The following IL13RA1 variants were observed in gnomAD, a reference collection of about 807,000 sequenced individuals.
IL13RA1 encodes interleukin-13 receptor subunit alpha-1.
IL13RA1 carries 14 observed loss-of-function variants against 33.8 expected under a neutral mutation model. That is an observed-to-expected ratio of 0.41 (90% CI 0.27 to 0.65). The LOEUF (loss-of-function observed/expected upper bound fraction) is 0.65, where lower values mean the gene tolerates loss of function less well. Among genes scored for constraint, IL13RA1 ranks in the 30% least tolerant of loss-of-function variants. The pLI is 0.28. For synonymous variants in IL13RA1, 116 were observed against 115.7 expected (o/e 1.00, Z -0.02); for missense variants, 313 against 327.0 (o/e 0.96, Z 0.33).
At chrX:118,767,031 C>G in intron 8 of IL13RA1, 55 bp downstream of exon 8, 1 of 674,805 alleles carries the variant, frequency 1.5e-6, no homozygotes, top group Admixed American at 3.1e-5. Flanking sequence ...AAAAACTAAG[C>G]TGAAGCAGAA....
chrX:118,767,513 C>T (rs1020074130), intron 8 of IL13RA1, among the ~76,000 whole-genome samples: 5 of 110,590 alleles, frequency 4.5e-5, no homozygotes, highest in Non-Finnish European at 7.6e-5. Context: ...TGCCCTCCAG[C>T]CTGGGCGACA....
the IL13RA1 span, among the ~76,000 whole-genome samples, chrX:118,800,982 G>A: frequency 1.8e-5 from 2 of 111,034 alleles, no homozygotes; most frequent in Non-Finnish European, 3.8e-5. Context: ...AGAGATGGGG[G>A]TCTCCCTGTG....
At chrX:118,800,560 A>G in the IL13RA1 span, among the ~76,000 whole-genome samples, 1 of 110,803 alleles carries the variant, frequency 9.0e-6, no homozygotes, top group Non-Finnish European at 1.9e-5. Context: ...CAGAAGGGAC[A>G]GACTCCAGAC....
rs189188679 is a variant in IL13RA1 at position 118,744,395 on chromosome X, T to A, written c.229-2559T>A. On this transcript the variant is annotated intron_variant, in intron 2 of 10. Coordinates refer to ENST00000371666, the MANE Select transcript of IL13RA1 (RefSeq NM_001560.3). ...CGGATTTAGATACTAAGGCATTTTT[T>A]AATTTTTTATGTTATTTTATTTTGA... 9.0e-4 allele frequency among the ~76,000 whole-genome samples: 101 copies of A among 111,845 alleles called. 1 individual carries two copies. In the Middle Eastern group the frequency reaches 0.014, roughly 15 times the overall value.
chrX:118,761,753 G>A (rs1364739417), intron 6 of IL13RA1, among the ~76,000 whole-genome samples: 1 of 111,796 alleles, frequency 8.9e-6, no homozygotes, highest in Non-Finnish European at 1.9e-5. Flanking sequence ...GAACGAGAGG[G>A]AATATTAGGT....
At position 118,792,200 on chromosome X, in the gene IL13RA1, T is replaced by G. The variant is rs1036108923; in HGVS notation, c.*346T>G. The G allele has an allele frequency of 2.4e-5, 3 of 123,618 alleles. No individual in the cohort carries two copies. The highest frequency in any genetic ancestry group is 9.5e-5 in the African/African-American group (3 of 31,444). 10.2% of individuals were successfully genotyped at this position (123,618 alleles called of 1,213,427 possible). A position where few individuals can be genotyped will look rare whatever the true frequency, so the allele number is the denominator to read the frequency against. On this transcript the variant is annotated 3_prime_UTR_variant, in exon 11 of 11. Transcript: ENST00000371666. ...TTGCTTTGTGTTCTTTGTGTCAACATGAACAAATTTTATTTGTAGGGGAAC... is the reference window on the plus strand; with the variant it reads ...TTGCTTTGTGTTCTTTGTGTCAACAGGAACAAATTTTATTTGTAGGGGAAC...
the IL13RA1 span, among the ~76,000 whole-genome samples, chrX:118,800,269 C>T: frequency 9.1e-5 from 10 of 110,244 alleles, no homozygotes; most frequent in East Asian, 5.8e-4. Flanking sequence ...GCAGTGGCGA[C>T]CCGCGCGGGT....
At chrX:118,734,147 A>G (rs184471021) in intron 1 of IL13RA1, among the ~76,000 whole-genome samples, 5 of 112,097 alleles carry the variant, frequency 4.5e-5, no homozygotes, top group African/African-American at 9.7e-5. Flanking sequence ...ATTTCTGCAA[A>G]ACTATGCCAT....
chrX:118,738,090 A>G (rs931599863), intron 1 of IL13RA1: 1 of 112,192 alleles, frequency 8.9e-6, no homozygotes, highest in Non-Finnish European at 1.9e-5. Flanking sequence ...GCTCCCTGGT[A>G]CTAGCTCAGT....
intron 1 of IL13RA1, among the ~76,000 whole-genome samples, chrX:118,736,894 G>A (rs760963553): frequency 8.8e-6 from 1 of 113,169 alleles, no homozygotes; most frequent in African/African-American, 3.2e-5. Context: ...GAAGTGCTGG[G>A]ATTATAGGTG....
chrX:118,732,146 T>A (rs992441584), intron 1 of IL13RA1, among the ~76,000 whole-genome samples: 1 of 110,888 alleles, frequency 9.0e-6, no homozygotes, highest in Non-Finnish European at 1.9e-5. Flanking sequence ...TCACCATCCA[T>A]CCCCATAACT....
chrX:118,804,347 A>G, the IL13RA1 span, among the ~76,000 whole-genome samples: 4 of 106,242 alleles, frequency 3.8e-5, no homozygotes, highest in Non-Finnish European at 7.7e-5. Context: ...TTCTCACACA[A>G]CCAAGACATA....
At position 118,773,923 on chromosome X, in the gene IL13RA1, G is replaced by A; in HGVS notation, c.1054G>A (p.Val352Ile). The change falls in exon 9 of 11, where the codon GTT becomes ATT. Residue 352 changes from valine to isoleucine, a missense_variant. Transcript: ENST00000371666. ...ACTCTACATAACCATGTTACTCATT[G>A]TTCCAGTCATCGTCGCAGGTGCAAT... ...STLYITMLLI[V>I]PVIVAGAIIV... The A allele has an allele frequency of 9.1e-7, 1 of 1,099,558 alleles. No homozygotes were observed. The highest frequency in any genetic ancestry group is 1.3e-6 in the Non-Finnish European group (1 of 793,703). 90.6% of individuals were successfully genotyped at this position (1,099,558 alleles called of 1,213,427 possible).
At chrX:118,783,643 GC>G (rs2017869280) in intron 10 of IL13RA1, among the ~76,000 whole-genome samples, 1 of 109,935 alleles carries the variant, frequency 9.1e-6, no homozygotes, top group South Asian at 3.9e-4. Context: ...AAAACAAATT[GC>G]TTTTTTCTTG....
chrX:118,790,869 A>G (rs2017967721), intron 10 of IL13RA1, among the ~76,000 whole-genome samples: 1 of 112,046 alleles, frequency 8.9e-6, no homozygotes, highest in African/African-American at 3.2e-5. Context: ...GAGCTTAGAC[A>G]TAACCTAATG....
At chrX:118,804,526 G>T in the IL13RA1 span, among the ~76,000 whole-genome samples, 1 of 111,166 alleles carries the variant, frequency 9.0e-6, no homozygotes, top group African/African-American at 3.3e-5. Context: ...ACATGATAAG[G>T]ACCAATATAA....
intron 4 of IL13RA1, among the ~76,000 whole-genome samples, chrX:118,754,102 C>T (rs994307777): frequency 1.8e-5 from 2 of 111,215 alleles, no homozygotes; most frequent in Non-Finnish European, 3.8e-5. Flanking sequence ...TGTATCTTAT[C>T]CCCTTACCAC....
At chrX:118,794,736 A>T (rs1191769666), downstream of IL13RA1, among the ~76,000 whole-genome samples, 1 of 111,879 alleles carries the variant, frequency 8.9e-6, no homozygotes, top group Non-Finnish European at 1.9e-5. Context: ...TTTAATATTA[A>T]TTTAGCCTTT....
the IL13RA1 span, among the ~76,000 whole-genome samples, chrX:118,801,807 C>G: frequency 8.9e-6 from 1 of 112,359 alleles, no homozygotes; most frequent in African/African-American, 3.2e-5. Flanking sequence ...CAATATCATA[C>G]TATAATATTT....
Sources: allele counts gnomAD v4.1 joint callset (sites outside exome capture counted in the v4.1 genomes callset), GRCh38; gene constraint gnomAD v4.1.1; transcripts MANE v1.5; gene names NCBI Gene and HGNC (gene_info 2026-07-23, HGNC 2026-07-21).